The following MAP4K3 variants were observed in gnomAD, a reference collection of about 807,000 sequenced individuals.
MAP4K3 encodes the protein mitogen-activated protein kinase kinase kinase kinase 3, also known as MAPK/ERK kinase kinase kinase 3.
In MAP4K3, 94 loss-of-function variants were observed where a neutral mutation model predicts 143.5. The observed-to-expected ratio is 0.65, with a 90% CI of 0.55 to 0.78. MAP4K3 has a LOEUF of 0.78. Ranked by LOEUF, MAP4K3 falls within the 30% of genes least tolerant of loss-of-function variation. The probability of loss-of-function intolerance (pLI) is 0.00; values close to 1 mark genes in which losing one functional copy is unlikely to be tolerated. For missense variants in MAP4K3, 1,077 were observed against 1,068.1 expected (o/e 1.01, Z -0.12); for synonymous variants, 416 against 347.2 (o/e 1.20, Z -2.20).
intron 31 of MAP4K3, among the ~76,000 whole-genome samples, chr2:39,258,077 G>A (rs1489013466): frequency 7.9e-5 from 12 of 151,996 alleles, no homozygotes; most frequent in East Asian, 2.0e-4. Flanking sequence ...GACTACAGGC[G>A]TGTGCCAGCA....
At chr2:39,370,574 G>A (rs1666053032) in intron 2 of MAP4K3, among the ~76,000 whole-genome samples, 1 of 152,138 alleles carries the variant, frequency 6.6e-6, no homozygotes, top group Non-Finnish European at 1.5e-5. Context: ...AAAAATAGTG[G>A]AATAAGGTCT....
intron 31 of MAP4K3, among the ~76,000 whole-genome samples, chr2:39,255,939 T>C (rs1680325466): frequency 6.6e-6 from 1 of 152,234 alleles, no homozygotes; most frequent in African/African-American, 2.4e-5. Context: ...ATCTTTCTCA[T>C]TTAAGTCTTT....
chr2:39,416,006 A>ATATATAT lies in MAP4K3; in HGVS notation c.96+20885_96+20886insATATATA, dbSNP rs1420812309. The stretch of plus-strand genomic sequence containing the variant: ...ATATATATATATATATATATATATA[A>ATATATAT]AAATAACATTTGGAAGAATAAATTC... On this transcript the variant is annotated intron_variant, in intron 1 of 33. Coordinates refer to ENST00000263881, the MANE Select transcript of MAP4K3 (RefSeq NM_003618.4). 2.4e-3 allele frequency among the ~76,000 whole-genome samples: 180 copies of ATATATAT among 75,806 alleles called. 5 individuals carry two copies. The highest frequency in any genetic ancestry group is 0.011 in the African/African-American group (156 of 13,838). 49.7% of individuals were successfully genotyped at this position (75,806 alleles called of 152,430 possible). A position where few individuals can be genotyped will look rare whatever the true frequency, so the allele number is the denominator to read the frequency against.
Position 39,286,929 on chromosome 2 carries a change from G to A in MAP4K3, c.1510C>T (p.Arg504Ter), listed in dbSNP as rs1229077607. The A allele has an allele frequency of 3.1e-6, 5 of 1,607,530 alleles. No individual in the cohort carries two copies. Among genetic ancestry groups the A allele is most frequent in the South Asian group, 1.1e-5 (1 of 89,844 alleles). The part of the protein sequence containing the change: ...GMSSFQLNGE[R>*]DGSLCQQQNE... ...TGTTGTTGACATAATGAGCCATCTC[G>A]TTCACCATTTAACTGGAAGGAGCTC... The change falls in exon 21 of 34, where the codon CGA (arginine) becomes TGA (stop). Residue 504 changes from arginine (R) to a stop codon, truncating the protein, a stop_gained. Coordinates refer to ENST00000263881, the MANE Select transcript of MAP4K3 (RefSeq NM_003618.4). LOFTEE classifies it high-confidence loss of function.
chr2:39,278,511 T>A, intron 23 of MAP4K3, 25 bp from the exon 24 acceptor site: 1 of 1,296,280 alleles, frequency 7.7e-7, no homozygotes, highest in Non-Finnish European at 1.1e-6. Flanking sequence ...ATTCACTGAC[T>A]GATTTTGGTA....
At chr2:39,357,858 G>A (rs574105273) in intron 2 of MAP4K3, among the ~76,000 whole-genome samples, 2 of 152,282 alleles carry the variant, frequency 1.3e-5, no homozygotes, top group South Asian at 4.1e-4. Context: ...TATACTTTTA[G>A]TCAATCTAGT....
At chr2:39,406,545 A>G (rs1667097000) in intron 1 of MAP4K3, among the ~76,000 whole-genome samples, 1 of 152,210 alleles carries the variant, frequency 6.6e-6, no homozygotes, top group Non-Finnish European at 1.5e-5. Context: ...TTTCAGTGGG[A>G]GCCTTACAGG....
chr2:39,250,480 A>G lies in MAP4K3; in HGVS notation c.*138T>C, dbSNP rs1484143021. 3 of 791,684 alleles carry G rather than the reference A, an allele frequency of 3.8e-6. No homozygotes were observed. The Admixed American group carries it at 8.8e-5, about 23-fold the overall frequency. 49.0% of individuals were successfully genotyped at this position (791,684 alleles called of 1,614,324 possible). A position where few individuals can be genotyped will look rare whatever the true frequency, so the allele number is the denominator to read the frequency against. The stretch of plus-strand genomic sequence containing the variant: ...TACCACTTAAAACAAAATTTTCCCC[A>G]TCTTATCTCATGCCACAATAAATTA... On this transcript the variant is annotated 3_prime_UTR_variant, in exon 34 of 34. Transcript: ENST00000263881.
At chr2:39,309,552 T>G in intron 13 of MAP4K3, 33 bp from the exon 14 acceptor site, 1 of 1,011,276 alleles carries the variant, frequency 9.9e-7, no homozygotes, top group Non-Finnish European at 1.3e-6. Context: ...ACCAGGATTT[T>G]TTTTTTTTTT....
chr2:39,401,617 C>T (rs778275891), intron 1 of MAP4K3, among the ~76,000 whole-genome samples: 5 of 151,824 alleles, frequency 3.3e-5, no homozygotes, highest in Non-Finnish European at 5.9e-5. Flanking sequence ...CTGGGTGACA[C>T]GGCGAAACCC....
At chr2:39,257,365 A>G (rs1680382221) in intron 31 of MAP4K3, among the ~76,000 whole-genome samples, 1 of 152,228 alleles carries the variant, frequency 6.6e-6, no homozygotes. Context: ...AGGAACTTCC[A>G]TATACTTAAA....
chr2:39,413,333 G>A (rs900810839), intron 1 of MAP4K3, among the ~76,000 whole-genome samples: 2 of 152,080 alleles, frequency 1.3e-5, no homozygotes, highest in Non-Finnish European at 2.9e-5. Context: ...TAATTAACGA[G>A]GGAGCTAGGA....
chr2:39,355,097 GCTCAC>G (rs1341788098), intron 3 of MAP4K3, among the ~76,000 whole-genome samples: 1 of 152,154 alleles, frequency 6.6e-6, no homozygotes, highest in Non-Finnish European at 1.5e-5. Context: ...AGGTGCGGAG[GCTCAC>G]GCCTGTAATC....
At chr2:39,344,366 T>C (rs1327394504) in intron 3 of MAP4K3, among the ~76,000 whole-genome samples, 1 of 152,242 alleles carries the variant, frequency 6.6e-6, no homozygotes, top group African/African-American at 2.4e-5. Flanking sequence ...TGGCTGGGAA[T>C]GGTTGTTACT....
At chr2:39,408,992 C>A (rs937256139) in intron 1 of MAP4K3, among the ~76,000 whole-genome samples, 1 of 152,160 alleles carries the variant, frequency 6.6e-6, no homozygotes. Flanking sequence ...AAAAGCCAGA[C>A]AGAAATTACA....
chr2:39,337,692 C>G, intron 4 of MAP4K3, 111 bp from the exon 5 acceptor site: 1 of 546,852 alleles, frequency 1.8e-6, no homozygotes, highest in Non-Finnish European at 3.3e-6. Flanking sequence ...AACAATTCTA[C>G]TGAAATGTAA....
intron 20 of MAP4K3, among the ~76,000 whole-genome samples, chr2:39,287,298 CT>C (rs11413828): frequency 2.0e-5 from 3 of 147,294 alleles, no homozygotes; most frequent in Non-Finnish European, 3.0e-5. Flanking sequence ...TTTAGTTGCT[CT>C]TTTTTTTTTT....
chr2:39,265,161 G>C, intron 28 of MAP4K3, 42 bp downstream of exon 28: 1 of 1,269,746 alleles, frequency 7.9e-7, no homozygotes, highest in South Asian at 1.3e-5. Context: ...AGGTTGACAA[G>C]CTTTTATAGT....
rs1683751518 is a variant in MAP4K3, at chr2:39,333,562, G to A, written c.427C>T (p.Leu143=). ...TTCACATGACCATTATCCGTTAATA[G>A]AATGTTAGCTCCCTTCAAAGTAACA... The part of the protein sequence containing the change: ...MHRDIKGANI[L]LTDNGHVKLA... Residue 143 remains leucine (L), a synonymous_variant, in exon 7 of 34, where the codon CTA becomes TTA. Coordinates refer to ENST00000263881, the MANE Select transcript of MAP4K3 (RefSeq NM_003618.4). 6.2e-7 allele frequency: 1 copy of A among 1,603,682 alleles called. No individual in the cohort carries two copies. The highest frequency in any genetic ancestry group is 8.5e-7 in the Non-Finnish European group (1 of 1,171,540).
Sources: gnomAD v4.1 joint callset for allele counts (sites outside exome capture counted in the v4.1 genomes callset) on GRCh38, gnomAD v4.1.1 for gene constraint, MANE v1.5 for transcripts, NCBI Gene and HGNC (gene_info 2026-07-23, HGNC 2026-07-21) for gene names.